The following KLHL20 variants were observed in gnomAD, a reference collection of about 807,000 sequenced individuals.
The protein encoded by KLHL20 is kelch like family member 20, also known as kelch-like protein 20.
KLHL20 carries 29 observed loss-of-function variants against 69.5 expected under a neutral mutation model. That is an observed-to-expected ratio of 0.42 (90% CI 0.31 to 0.57). KLHL20 has a LOEUF of 0.57. Ranked by LOEUF, KLHL20 falls within the 20% of genes least tolerant of loss-of-function variation. The probability of loss-of-function intolerance (pLI) is 0.18; values close to 1 mark genes in which losing one functional copy is unlikely to be tolerated. For synonymous variants in KLHL20, 253 were observed against 265.2 expected (o/e 0.95, Z 0.45); for missense variants, 419 against 776.0 (o/e 0.54, Z 5.47).
intron 2 of KLHL20, among the ~76,000 whole-genome samples, chr1:173,716,882 T>C (rs569148883): frequency 9.2e-5 from 14 of 152,232 alleles, no homozygotes; most frequent in Non-Finnish European, 2.1e-4. Context: ...TGTATATCTT[T>C]ATCCAAATCT....
intron 2 of KLHL20, among the ~76,000 whole-genome samples, chr1:173,733,379 T>G (rs1672375419): frequency 6.6e-6 from 1 of 152,170 alleles, no homozygotes; most frequent in Non-Finnish European, 1.5e-5. Flanking sequence ...GCGTGTTAAC[T>G]TGGGCTTAAT....
intron 2 of KLHL20, among the ~76,000 whole-genome samples, chr1:173,721,266 C>T (rs1218150796): frequency 2.0e-5 from 3 of 152,130 alleles, no homozygotes; most frequent in Non-Finnish European, 4.4e-5. Context: ...AATTTCCAAT[C>T]TCGTATCTTT....
At chr1:173,756,397 A>T (rs1191365314) in intron 6 of KLHL20, among the ~76,000 whole-genome samples, 1 of 152,130 alleles carries the variant, frequency 6.6e-6, no homozygotes, top group East Asian at 1.9e-4. Flanking sequence ...TGAGTGTGGT[A>T]GTGCATGTCT....
rs369208912 is a variant in KLHL20 at position 173,753,175 on chromosome 1, A to G, written c.757-38A>G. 40 of 1,528,892 alleles carry G rather than the reference A, an allele frequency of 2.6e-5. No individual in the cohort carries two copies. The African/African-American group carries it at 5.1e-4, about 19-fold the overall frequency. The allele number at this position is 1,528,892 out of a possible 1,614,324, so 94.7% of individuals were successfully genotyped here. On this transcript the variant is annotated intron_variant, in intron 4 of 11. Coordinates refer to ENST00000209884, the MANE Select transcript of KLHL20 (RefSeq NM_014458.4). ...GCAACAGAGTAAGACCTATCTCAAA[A>G]TTAATTAATTAAAATAATGGTGTTT...
intron 2 of KLHL20, among the ~76,000 whole-genome samples, chr1:173,719,690 A>T (rs1671629773): frequency 6.6e-6 from 1 of 152,020 alleles, no homozygotes; most frequent in South Asian, 2.1e-4. Context: ...ATTTTGGTGG[A>T]CATTGACAAA....
rs938464811 is a variant in KLHL20 at position 173,733,651 on chromosome 1, A to C, written c.24-62A>C. The C allele has an allele frequency of 7.8e-6, 10 of 1,288,296 alleles. No homozygotes were observed. The African/African-American group carries it at 1.2e-4, about 15-fold the overall frequency. The allele number at this position is 1,288,296 out of a possible 1,614,324, so 79.8% of individuals were successfully genotyped here. On this transcript the variant is annotated intron_variant, in intron 2 of 11. Coordinates refer to ENST00000209884, the MANE Select transcript of KLHL20 (RefSeq NM_014458.4). ...TTATCGCTTGAATTACAAACATTTA[A>C]GGGGAGAAAAGAGCTTATAATAATA... is the stretch of plus-strand genomic sequence containing the variant.
intron 3 of KLHL20, chr1:173,734,554 C>A: frequency 2.5e-6 from 1 of 404,626 alleles, no homozygotes; most frequent in Non-Finnish European, 4.5e-6. Context: ...ATTTATAAGC[C>A]AAAATAGAGT....
At chr1:173,768,841 C>T (rs1558217661) in intron 8 of KLHL20, among the ~76,000 whole-genome samples, 3 of 152,186 alleles carry the variant, frequency 2.0e-5, no homozygotes, top group South Asian at 2.1e-4. Context: ...AAAACACAAA[C>T]GGGCAAAGAC....
chr1:173,772,194 C>G (rs1648139314), intron 8 of KLHL20, among the ~76,000 whole-genome samples: 1 of 152,136 alleles, frequency 6.6e-6, no homozygotes, highest in South Asian at 2.1e-4. Context: ...TTAAAGAAAC[C>G]AGAGCTTATT....
chr1:173,737,569 C>T (rs1672595500), intron 3 of KLHL20, among the ~76,000 whole-genome samples: 1 of 152,162 alleles, frequency 6.6e-6, no homozygotes, highest in Non-Finnish European at 1.5e-5. Flanking sequence ...CTATTCTTTC[C>T]ATTGGTCTAT....
intron 5 of KLHL20, among the ~76,000 whole-genome samples, chr1:173,754,117 A>G (rs1267478859): frequency 1.3e-5 from 2 of 152,236 alleles, no homozygotes; most frequent in Non-Finnish European, 2.9e-5. Context: ...GTGGTAGGAC[A>G]TGTAGATTCA....
intron 7 of KLHL20, among the ~76,000 whole-genome samples, 162 bp from the exon 8 acceptor site, chr1:173,765,984 A>G (rs1213017845): frequency 6.6e-6 from 1 of 152,190 alleles, no homozygotes; most frequent in South Asian, 2.1e-4. Flanking sequence ...ATTTCAAAAA[A>G]TAAAAACACA....
In KLHL20 at chr1:173,752,001, G is replaced by T. The variant is rs939487640; in HGVS notation, c.756+79G>T. ...GACTGTAATCCCAGCACTTTGGGAG[G>T]CCAAGGCAGGTGGATCACAAGGTCA... On this transcript the variant is annotated intron_variant, in intron 4 of 11. Transcript: ENST00000209884. 17 of 1,344,952 alleles carry T rather than the reference G, an allele frequency of 1.3e-5. No homozygotes were observed. The African/African-American group carries it at 2.5e-4, about 19-fold the overall frequency. The allele number at this position is 1,344,952 out of a possible 1,614,324, so 83.3% of individuals were successfully genotyped here. A position where few individuals can be genotyped will look rare whatever the true frequency, so the allele number is the denominator to read the frequency against.
chr1:173,766,445 G>A (rs1647714149), intron 8 of KLHL20, among the ~76,000 whole-genome samples, 156 bp downstream of exon 8: 1 of 146,298 alleles, frequency 6.8e-6, no homozygotes, highest in African/African-American at 2.5e-5. Flanking sequence ...AGGAGTTCGA[G>A]ACCAGCCTGG....
rs1211473405 is a variant in KLHL20, at chr1:173,743,272, A to G, written c.598-8492A>G. On this transcript the variant is annotated intron_variant, in intron 3 of 11. Coordinates refer to ENST00000209884, the MANE Select transcript of KLHL20 (RefSeq NM_014458.4). ...TTAAACTTTATTTGAAAAATATTCA[A>G]ATTTATAGGAAATCACAGGAATAAG... Among the ~76,000 whole-genome samples the G allele has an allele frequency of 4.6e-5, 7 of 152,008 alleles. 1 individual carries two copies. Among genetic ancestry groups the G allele is most frequent in the African/African-American group, 1.2e-4 (5 of 41,440 alleles).
intron 2 of KLHL20, among the ~76,000 whole-genome samples, chr1:173,720,329 C>CA (rs1297389141): frequency 0.024 from 3,238 of 135,104 alleles, 104 homozygotes; most frequent in African/African-American, 0.082. Context: ...ACAGCTTGTG[C>CA]AAAAAAAAAA....
At chr1:173,728,519 A>G (rs1558183974) in intron 2 of KLHL20, among the ~76,000 whole-genome samples, 5 of 152,220 alleles carry the variant, frequency 3.3e-5, no homozygotes, top group African/African-American at 9.6e-5. Context: ...CAAATGTAAA[A>G]GAACAGAAAT....
chr1:173,724,170 G>A (rs1281664752), intron 2 of KLHL20, among the ~76,000 whole-genome samples: 1 of 150,688 alleles, frequency 6.6e-6, no homozygotes, highest in Non-Finnish European at 1.5e-5. Context: ...TATGTTTTGG[G>A]GATTTTTTTT....
intron 2 of KLHL20, among the ~76,000 whole-genome samples, chr1:173,724,962 C>G (rs991833584): frequency 1.3e-5 from 2 of 152,020 alleles, no homozygotes; most frequent in Non-Finnish European, 2.9e-5. Flanking sequence ...GATATAAGTT[C>G]ACTTTGTTAT....
Sources: allele counts gnomAD v4.1 joint callset (sites outside exome capture counted in the v4.1 genomes callset), GRCh38; gene constraint gnomAD v4.1.1; transcripts MANE v1.5; gene names NCBI Gene and HGNC (gene_info 2026-07-23, HGNC 2026-07-21).